The following DNAH12 variants were observed in gnomAD, a reference collection of about 807,000 sequenced individuals.
DNAH12 encodes axonemal beta dynein heavy chain 12.
Under a neutral mutation model 371.5 loss-of-function variants are expected in DNAH12, and 285 were observed. That is an observed-to-expected ratio of 0.77 (90% CI 0.70 to 0.85). DNAH12 has a LOEUF of 0.85. Among genes scored for constraint, DNAH12 ranks in the 40% least tolerant of loss-of-function variants. The probability of loss-of-function intolerance (pLI) is 0.00; values close to 1 mark genes in which losing one functional copy is unlikely to be tolerated. For missense variants in DNAH12, 3,611 were observed against 3,689.4 expected (o/e 0.98, Z 0.55); for synonymous variants, 1,200 against 1,213.0 (o/e 0.99, Z 0.22).
intron 39 of DNAH12, among the ~76,000 whole-genome samples, chr3:57,412,411 G>T (rs183590968): frequency 1.6e-4 from 25 of 152,100 alleles, no homozygotes; most frequent in Non-Finnish European, 2.8e-4. Flanking sequence ...GACTTTTTCA[G>T]ACACAACACC....
chr3:57,304,677 T>G (rs1213290907), intron 69 of DNAH12, among the ~76,000 whole-genome samples: 1 of 152,196 alleles, frequency 6.6e-6, no homozygotes, highest in Non-Finnish European at 1.5e-5. Flanking sequence ...CAGAGGTGTC[T>G]GACCACACAG....
chr3:57,353,687 AAACT>A (rs1417430755), intron 59 of DNAH12, among the ~76,000 whole-genome samples: 2 of 152,212 alleles, frequency 1.3e-5, no homozygotes, highest in Non-Finnish European at 1.5e-5. Context: ...AACAAGCATA[AAACT>A]AACAACCCCA....
At chr3:57,449,546 A>C (rs1425228724) in intron 25 of DNAH12, among the ~76,000 whole-genome samples, 5 of 152,210 alleles carry the variant, frequency 3.3e-5, no homozygotes, top group African/African-American at 7.2e-5. Flanking sequence ...GTGGGCTGGC[A>C]CTGCTGGGGG....
intron 14 of DNAH12, 96 bp downstream of exon 14, chr3:57,472,450 T>C: frequency 1.4e-6 from 2 of 1,444,564 alleles, no homozygotes; most frequent in Non-Finnish European, 9.3e-7. Context: ...ACAAAATTAC[T>C]TTTAAAGTTA....
At chr3:57,403,120 T>TA (rs1300943985) in intron 43 of DNAH12, among the ~76,000 whole-genome samples, 189 bp downstream of exon 43, 7 of 152,044 alleles carry the variant, frequency 4.6e-5, no homozygotes, top group African/African-American at 7.2e-5. Flanking sequence ...ATCATGTAGG[T>TA]AAAAGCGGTA....
chr3:57,469,983 A>G (rs994451381), intron 16 of DNAH12, among the ~76,000 whole-genome samples: 1 of 152,200 alleles, frequency 6.6e-6, no homozygotes, highest in Admixed American at 6.5e-5. Context: ...ATCTAAAATA[A>G]AAGTTGAAAT....
chr3:57,432,635 A>T (rs1162202268), intron 32 of DNAH12, among the ~76,000 whole-genome samples: 1 of 152,202 alleles, frequency 6.6e-6, no homozygotes, highest in Non-Finnish European at 1.5e-5. Flanking sequence ...TAATATGAAC[A>T]TCACACATAT....
At chr3:57,432,591 T>G (rs1447380716) in intron 32 of DNAH12, among the ~76,000 whole-genome samples, 3 of 152,164 alleles carry the variant, frequency 2.0e-5, no homozygotes, top group Non-Finnish European at 2.9e-5. Context: ...GATACTAATA[T>G]AGACATAAAT....
At chr3:57,408,557 A>G in intron 39 of DNAH12, 22 bp from the exon 40 acceptor site, 1 of 1,496,748 alleles carries the variant, frequency 6.7e-7, no homozygotes, top group Non-Finnish European at 8.9e-7. Context: ...CACACAAAAA[A>G]TTTAGATTAT....
At chr3:57,437,167 ATT>A (rs2065155609) in intron 29 of DNAH12, 107 bp from the exon 30 acceptor site, 4 of 714,132 alleles carry the variant, frequency 5.6e-6, no homozygotes, top group Admixed American at 3.5e-5. Flanking sequence ...AACTATCATC[ATT>A]GTTTATTATT....
At chr3:57,314,417 C>CG (rs1282893689) in intron 66 of DNAH12, 77 bp downstream of exon 66, 7 of 1,521,640 alleles carry the variant, frequency 4.6e-6, no homozygotes, top group Non-Finnish European at 6.2e-6. Flanking sequence ...AGTGAATCAG[C>CG]TATTCCAAGC....
intron 13 of DNAH12, among the ~76,000 whole-genome samples, chr3:57,474,973 T>A (rs1339727494): frequency 1.3e-5 from 1 of 75,832 alleles, no homozygotes; most frequent in East Asian, 2.8e-4. Flanking sequence ...AGACTCTTTC[T>A]CAAAAAAAAA....
intron 69 of DNAH12, among the ~76,000 whole-genome samples, chr3:57,308,459 A>G (rs1016933859): frequency 6.8e-6 from 1 of 147,020 alleles, no homozygotes; most frequent in African/African-American, 2.5e-5. Context: ...AGAATGCTAC[A>G]AGGTACAGCC....
intron 59 of DNAH12, among the ~76,000 whole-genome samples, chr3:57,355,539 TG>T (rs2062778671): frequency 6.6e-6 from 1 of 151,498 alleles, no homozygotes; most frequent in African/African-American, 2.4e-5. Flanking sequence ...TCAATTCTTT[TG>T]GGTATATACC....
chr3:57,417,870 G>C (rs1226477112), intron 37 of DNAH12, among the ~76,000 whole-genome samples: 3 of 152,076 alleles, frequency 2.0e-5, no homozygotes, highest in Non-Finnish European at 4.4e-5. Flanking sequence ...AAAAAAACAG[G>C]CTGGGCACGG....
intron 2 of DNAH12, among the ~76,000 whole-genome samples, chr3:57,526,912 G>T (rs918015040): frequency 1.3e-5 from 2 of 151,686 alleles, no homozygotes; most frequent in African/African-American, 4.8e-5. Flanking sequence ...TCAGCTCACT[G>T]CAACCTCCGC....
At chr3:57,390,317 G>A (rs1317450665) in intron 45 of DNAH12, among the ~76,000 whole-genome samples, 8 of 137,090 alleles carry the variant, frequency 5.8e-5, no homozygotes, top group Middle Eastern at 4.1e-3. Context: ...GGAGGCTGAG[G>A]TGGGAGGATT....
intron 8 of DNAH12, among the ~76,000 whole-genome samples, 170 bp from the exon 9 acceptor site, chr3:57,504,374 T>C (rs1290813207): frequency 1.3e-5 from 2 of 151,700 alleles, no homozygotes; most frequent in African/African-American, 4.9e-5. Flanking sequence ...TATATATGTG[T>C]GTATACATAC....
intron 13 of DNAH12, among the ~76,000 whole-genome samples, chr3:57,480,772 A>G (rs570178257): frequency 6.6e-6 from 1 of 152,350 alleles, no homozygotes; most frequent in East Asian, 1.9e-4. Context: ...AACATACGCA[A>G]ATCAATAAAT....
Sources: gnomAD v4.1 joint callset for allele counts (sites outside exome capture counted in the v4.1 genomes callset) on GRCh38, gnomAD v4.1.1 for gene constraint, MANE v1.5 for transcripts, NCBI Gene and HGNC (gene_info 2026-07-23, HGNC 2026-07-21) for gene names.